Variants in LRRC37A2 observed in about 807,000 individuals in gnomAD.
LRRC37A2 encodes leucine rich repeat containing 37 member A2.
A neutral mutation model predicts 68.8 loss-of-function variants in LRRC37A2; 9 were observed. That is an observed-to-expected ratio of 0.13 (90% CI 0.08 to 0.23). The LOEUF is 0.23. Among genes scored for constraint, LRRC37A2 ranks in the 10% least tolerant of loss-of-function variants. The pLI, the probability that LRRC37A2 is intolerant of heterozygous loss-of-function variation, is 1.00. For synonymous variants in LRRC37A2, 63 were observed against 367.6 expected (o/e 0.17, Z 9.48); for missense variants, 168 against 950.4 (o/e 0.18, Z 10.82).
chr17:46,755,883 GGATCTTCACT>G, the LRRC37A2 span: 2 of 1,523,890 alleles, frequency 1.3e-6, no homozygotes, highest in Admixed American at 1.7e-5. Context: ...AGATGGCCTA[GGATCTTCACT>G]GTCTTACTCA....
the LRRC37A2 span, among the ~76,000 whole-genome samples, chr17:46,852,315 G>A: frequency 1.3e-5 from 2 of 152,146 alleles, no homozygotes; most frequent in African/African-American, 4.8e-5. Context: ...CCGTGCGCTG[G>A]GGAAATGCGA....
At chr17:46,836,095 C>CTGTGTGTGTGTGTGTGT in the LRRC37A2 span, among the ~76,000 whole-genome samples, 2 of 126,434 alleles carry the variant, frequency 1.6e-5, no homozygotes, top group African/African-American at 6.4e-5. Context: ...GAGACGCTGA[C>CTGTGTGTGTGTGTGTGT]GTGTGTGTGT....
At chr17:46,392,419 CTCTTTCTTTCTCTCTT>C in the LRRC37A2 span, among the ~76,000 whole-genome samples, 170 of 55,794 alleles carry the variant, frequency 3.0e-3, 7 homozygotes, top group Middle Eastern at 0.018. Context: ...TTCTCTCTCT[CTCTTTCTTTCTCTCTT>C]TCTTTCTTTC....
the LRRC37A2 span, among the ~76,000 whole-genome samples, chr17:46,767,707 C>T: frequency 1.3e-5 from 2 of 152,222 alleles, no homozygotes; most frequent in Non-Finnish European, 2.9e-5. Context: ...TTTGATCTGG[C>T]TCATAACTAA....
chr17:46,814,312 C>G, the LRRC37A2 span, among the ~76,000 whole-genome samples: 2 of 152,218 alleles, frequency 1.3e-5, no homozygotes, highest in Non-Finnish European at 2.9e-5. Context: ...TCAGCTCAGG[C>G]TCTTGGTATT....
the LRRC37A2 span, among the ~76,000 whole-genome samples, chr17:46,822,611 GGTGAGCA>G: frequency 6.6e-6 from 1 of 152,222 alleles, no homozygotes; most frequent in Non-Finnish European, 1.5e-5. Context: ...AATTGTTGCT[GGTGAGCA>G]GCCCGGATTT....
chr17:46,918,596 G>GAC, the LRRC37A2 span, among the ~76,000 whole-genome samples: 990 of 146,740 alleles, frequency 6.7e-3, 9 homozygotes, highest in African/African-American at 0.023. Context: ...ATAGCAGGCA[G>GAC]ACACACACAC....
At chr17:46,735,427 C>T in the LRRC37A2 span, among the ~76,000 whole-genome samples, 1 of 151,566 alleles carries the variant, frequency 6.6e-6, no homozygotes, top group Non-Finnish European at 1.5e-5. Flanking sequence ...TAAGAGCACC[C>T]TTTCTGTAGA....
chr17:46,947,660 G>A, the LRRC37A2 span, among the ~76,000 whole-genome samples: 8 of 152,128 alleles, frequency 5.3e-5, no homozygotes, highest in Non-Finnish European at 8.8e-5. Context: ...CCTGACCTTG[G>A]GCTAATCACC....
At chr17:46,495,584 C>A in the LRRC37A2 span, among the ~76,000 whole-genome samples, 5 of 149,912 alleles carry the variant, frequency 3.3e-5, no homozygotes, top group Admixed American at 3.3e-4. Context: ...GAGGTTTCAC[C>A]ATGTTGGCCA....
chr17:47,040,021 G>C, the LRRC37A2 span, among the ~76,000 whole-genome samples: 1 of 151,726 alleles, frequency 6.6e-6, no homozygotes, highest in Admixed American at 6.6e-5. Context: ...CCTTTTTATG[G>C]TTTCTATCTC....
the LRRC37A2 span, among the ~76,000 whole-genome samples, chr17:46,783,404 C>T: frequency 6.6e-6 from 1 of 152,202 alleles, no homozygotes; most frequent in Admixed American, 6.5e-5. Context: ...TCAACACGCA[C>T]GAATTGAGTG....
At chr17:46,827,069 G>A in the LRRC37A2 span, among the ~76,000 whole-genome samples, 1 of 152,158 alleles carries the variant, frequency 6.6e-6, no homozygotes. Flanking sequence ...GAGCCACCAT[G>A]CCCAGCCTCA....
the LRRC37A2 span, among the ~76,000 whole-genome samples, chr17:47,000,076 AAAAAT>A: frequency 0.028 from 722 of 25,402 alleles, 48 homozygotes; most frequent in African/African-American, 0.036. Flanking sequence ...AAATAAAATA[AAAAAT>A]AAAATAAAAT....
At chr17:47,008,916 T>C in the LRRC37A2 span, among the ~76,000 whole-genome samples, 9 of 152,246 alleles carry the variant, frequency 5.9e-5, no homozygotes, top group East Asian at 1.7e-3. Flanking sequence ...ACATGTATTT[T>C]AAATCTTGAC....
At chr17:46,859,488 C>T in the LRRC37A2 span, among the ~76,000 whole-genome samples, 1 of 152,178 alleles carries the variant, frequency 6.6e-6, no homozygotes, top group Non-Finnish European at 1.5e-5. Flanking sequence ...TACTCTGTTT[C>T]ATTTATCTAT....
the LRRC37A2 span, among the ~76,000 whole-genome samples, chr17:46,841,396 G>A: frequency 6.6e-6 from 1 of 152,312 alleles, no homozygotes; most frequent in Non-Finnish European, 1.5e-5. Flanking sequence ...GGAAAGTCAT[G>A]CATCGATATT....
the LRRC37A2 span, chr17:46,721,800 T>G: frequency 1.2e-6 from 2 of 1,602,212 alleles, no homozygotes; most frequent in Non-Finnish European, 1.7e-6. Context: ...TGCACAGCTG[T>G]CAGAGTACGG....
the LRRC37A2 span, among the ~76,000 whole-genome samples, chr17:46,726,105 T>A: frequency 6.6e-6 from 1 of 152,358 alleles, no homozygotes; most frequent in East Asian, 1.9e-4. Flanking sequence ...ATGGTCTGAT[T>A]TGAGTTGACA....
Sources: allele counts gnomAD v4.1 joint callset (sites outside exome capture counted in the v4.1 genomes callset), GRCh38; gene constraint gnomAD v4.1.1; transcripts MANE v1.5; gene names NCBI Gene and HGNC (gene_info 2026-07-23, HGNC 2026-07-21).